Variants in SGCD observed in about 807,000 individuals in gnomAD.
SGCD encodes the protein delta-sarcoglycan.
SGCD carries 18 observed loss-of-function variants against 36.6 expected under a neutral mutation model. That is an observed-to-expected ratio of 0.49 (90% CI 0.34 to 0.73). The LOEUF (loss-of-function observed/expected upper bound fraction) is 0.73, where lower values mean the gene tolerates loss of function less well. Among genes scored for constraint, SGCD ranks in the 30% least tolerant of loss-of-function variants. The pLI is 0.01. For synonymous variants in SGCD, 133 were observed against 130.6 expected (o/e 1.02, Z -0.12); for missense variants, 387 against 346.7 (o/e 1.12, Z -0.92).
intron 1 of SGCD, among the ~76,000 whole-genome samples, chr5:156,069,782 T>C (rs112655241): frequency 0.052 from 7,788 of 148,894 alleles, 729 homozygotes; most frequent in African/African-American, 0.18. Flanking sequence ...TTCTTCCATT[T>C]GTTTGTATCC....
intron 3 of SGCD, among the ~76,000 whole-genome samples, chr5:156,466,641 A>C (rs758082921): frequency 8.5e-5 from 13 of 152,132 alleles, no homozygotes; most frequent in Non-Finnish European, 1.8e-4. Flanking sequence ...AGATGCTTTA[A>C]AATTTGATTT....
At chr5:156,587,360 CA>C (rs962693569) in intron 4 of SGCD, among the ~76,000 whole-genome samples, 5 of 152,214 alleles carry the variant, frequency 3.3e-5, no homozygotes. Flanking sequence ...CTTCAGAGAG[CA>C]AGGAAAATAT....
intron 3 of SGCD, among the ~76,000 whole-genome samples, chr5:156,461,504 T>C (rs1353748589): frequency 5.3e-5 from 8 of 152,142 alleles, no homozygotes; most frequent in Non-Finnish European, 1.2e-4. Flanking sequence ...AAGATAGCTA[T>C]AATGAAATAT....
intron 6 of SGCD, among the ~76,000 whole-genome samples, chr5:156,603,643 A>T (rs949703945): frequency 1.3e-5 from 2 of 152,054 alleles, no homozygotes; most frequent in Admixed American, 6.5e-5. Flanking sequence ...AAAATATTTA[A>T]ATTTCCTTTT....
At chr5:156,749,991 A>G (rs1214628800) in intron 7 of SGCD, among the ~76,000 whole-genome samples, 1 of 152,190 alleles carries the variant, frequency 6.6e-6, no homozygotes, top group Non-Finnish European at 1.5e-5. Flanking sequence ...TTTCAGAAAT[A>G]TATAGAAAAG....
At chr5:156,004,349 A>G (rs544597486) in intron 1 of SGCD, among the ~76,000 whole-genome samples, 14 of 152,328 alleles carry the variant, frequency 9.2e-5, no homozygotes, top group African/African-American at 3.1e-4. Context: ...TAGAAATAAT[A>G]ATACTGCTGT....
intron 7 of SGCD, among the ~76,000 whole-genome samples, chr5:156,697,762 T>C (rs1581416710): frequency 6.6e-6 from 1 of 151,240 alleles, no homozygotes; most frequent in African/African-American, 2.4e-5. Context: ...GATGGATGGA[T>C]GGATGGATGG....
At chr5:156,381,590 ATAAAAT>A (rs917283540) in intron 3 of SGCD, among the ~76,000 whole-genome samples, 9 of 65,782 alleles carry the variant, frequency 1.4e-4, no homozygotes, top group Admixed American at 2.6e-4. Context: ...GTGCATATTT[ATAAAAT>A]TAATCATTAT....
At chr5:156,248,133 C>CAG (rs372844109) in intron 3 of SGCD, among the ~76,000 whole-genome samples, 22 of 151,338 alleles carry the variant, frequency 1.5e-4, no homozygotes, top group African/African-American at 7.3e-5. Flanking sequence ...GTGTGTGTGA[C>CAG]AGAGAGAGAG....
intron 6 of SGCD, among the ~76,000 whole-genome samples, chr5:156,598,884 TG>T (rs1408273474): frequency 2.0e-5 from 3 of 152,156 alleles, no homozygotes; most frequent in African/African-American, 7.2e-5. Flanking sequence ...TCAAAGCAGG[TG>T]GGTATTTTCG....
intron 3 of SGCD, among the ~76,000 whole-genome samples, chr5:156,455,729 G>T (rs1754228872): frequency 6.6e-6 from 1 of 152,170 alleles, no homozygotes; most frequent in Admixed American, 6.5e-5. Context: ...TTTAAAAAAT[G>T]TATCAAAGTC....
chr5:156,336,811 T>G (rs1165194545), intron 2 of SGCD, among the ~76,000 whole-genome samples: 2 of 152,244 alleles, frequency 1.3e-5, no homozygotes, highest in African/African-American at 4.8e-5. Context: ...TTTAAATATA[T>G]GCACTTGTTG....
chr5:156,099,796 A>AT (rs1761476007), intron 1 of SGCD, among the ~76,000 whole-genome samples: 2 of 151,972 alleles, frequency 1.3e-5, no homozygotes, highest in Non-Finnish European at 2.9e-5. Flanking sequence ...TAAATATATT[A>AT]TTATAAATAA....
chr5:155,992,699 T>A (rs973783850), intron 1 of SGCD, among the ~76,000 whole-genome samples: 1 of 152,210 alleles, frequency 6.6e-6, no homozygotes, highest in Non-Finnish European at 1.5e-5. Context: ...CAGTTTACTA[T>A]GCTCATGGTT....
At chr5:155,969,171 G>A (rs147771248) in intron 1 of SGCD, among the ~76,000 whole-genome samples, 107 of 152,066 alleles carry the variant, frequency 7.0e-4, no homozygotes, top group African/African-American at 2.5e-3. Flanking sequence ...TCTAGGGTGC[G>A]TGTCTAGGTT....
intron 4 of SGCD, among the ~76,000 whole-genome samples, chr5:156,519,811 A>T (rs763589571): frequency 1.3e-5 from 2 of 152,234 alleles, no homozygotes; most frequent in African/African-American, 2.4e-5. Context: ...ATAAAATTCA[A>T]CATTCCTTCC....
At chr5:156,429,563 C>A (rs1773836901) in intron 3 of SGCD, among the ~76,000 whole-genome samples, 1 of 150,372 alleles carries the variant, frequency 6.7e-6, no homozygotes, top group Admixed American at 6.6e-5. Context: ...TTAGTTGTTG[C>A]CTAAATAGTT....
chr5:156,347,077 G>A (rs575814007), intron 3 of SGCD, among the ~76,000 whole-genome samples: 6 of 152,246 alleles, frequency 3.9e-5, no homozygotes, highest in African/African-American at 1.2e-4. Context: ...GATTACAGGC[G>A]TGAGCCACCG....
intron 1 of SGCD, among the ~76,000 whole-genome samples, chr5:156,025,068 GCTTAACTTGGAGAAAGTTT>G (rs922215714): frequency 7.2e-5 from 11 of 152,138 alleles, no homozygotes; most frequent in Non-Finnish European, 1.5e-4. Context: ...TATTTCAGTG[GCTTAACTTGGAGAAAGTTT>G]CTTTGTTGCT....
Sources: allele counts gnomAD v4.1 joint callset (sites outside exome capture counted in the v4.1 genomes callset), GRCh38; gene constraint gnomAD v4.1.1; transcripts MANE v1.5; gene names NCBI Gene and HGNC (gene_info 2026-07-23, HGNC 2026-07-21).